EFL1: variants seen among roughly 807,000 people sequenced by gnomAD.
The protein encoded by EFL1 is elongation factor-like GTPase 1.
A neutral mutation model predicts 126.7 loss-of-function variants in EFL1; 76 were observed. That is an observed-to-expected ratio of 0.60 (90% CI 0.50 to 0.73). The LOEUF is 0.73. EFL1 is among the 30% of genes least tolerant of loss of function. The probability of loss-of-function intolerance (pLI) is 0.00; values close to 1 mark genes in which losing one functional copy is unlikely to be tolerated. For missense variants in EFL1, 1,128 were observed against 1,343.2 expected (o/e 0.84, Z 2.50); for synonymous variants, 410 against 448.4 (o/e 0.91, Z 1.08).
Position 82,194,540 on chromosome 15 carries a change from T to A in EFL1, c.1750+20177A>T, listed in dbSNP as rs376410388. On this transcript the variant is annotated intron_variant, in intron 15 of 19. Coordinates refer to ENST00000268206, the MANE Select transcript of EFL1 (RefSeq NM_024580.6). ...AATTTAAAAATGCAGAAAAGTATAG[T>A]CAAAAATGCACTTACAGAATTATTA... 5.0e-4 allele frequency among the ~76,000 whole-genome samples: 76 copies of A among 152,212 alleles called. 2 individuals carry two copies. The East Asian group carries it at 8.5e-3, about 17-fold the overall frequency.
intron 15 of EFL1, among the ~76,000 whole-genome samples, chr15:82,209,096 T>C (rs894608051): frequency 1.3e-4 from 20 of 152,196 alleles, no homozygotes; most frequent in Admixed American, 1.1e-3. Context: ...CTCATTAAAA[T>C]AGATTATCTT....
intron 14 of EFL1, among the ~76,000 whole-genome samples, chr15:82,217,373 G>GAAAAAAAAAAAAAAAAAAAAAAAAA: frequency 5.2e-4 from 14 of 27,150 alleles, no homozygotes; most frequent in Non-Finnish European, 6.9e-4. Context: ...GATTAGATTT[G>GAAAAAAAAAAAAAAAAAAAAAAAAA]AAAAAAAAAA....
chr15:82,257,823 C>T (rs1429447881), intron 3 of EFL1, among the ~76,000 whole-genome samples: 1 of 152,218 alleles, frequency 6.6e-6, no homozygotes, highest in Non-Finnish European at 1.5e-5. Flanking sequence ...CAAAAACAAA[C>T]TTCTGGCTTC....
rs1457011032 is a variant in EFL1 at position 82,152,069 on chromosome 15, C to T, written c.2385G>A (p.Lys795=). ...EGENTHMIHQ[K]TQEKIWEFKG... The stretch of plus-strand genomic sequence containing the variant: ...TGAATTCCCAAATTTTCTCTTGGGT[C>T]TTCTGATGAATCATGTGAGTATTTT... The change falls in exon 18 of 20, where the codon AAG becomes AAA. Residue 795 remains lysine, a synonymous_variant. Transcript: ENST00000268206. The T allele has an allele frequency of 4.3e-6, 7 of 1,614,124 alleles. No individual in the cohort carries two copies. The East Asian group carries it at 1.6e-4, about 36-fold the overall frequency.
At chr15:82,211,787 G>A (rs2074593765) in intron 15 of EFL1, among the ~76,000 whole-genome samples, 2 of 152,226 alleles carry the variant, frequency 1.3e-5, no homozygotes, top group South Asian at 4.1e-4. Flanking sequence ...CTATGACTTT[G>A]AGGCAGGTAA....
chr15:82,197,560 T>C (rs61094688), intron 15 of EFL1, among the ~76,000 whole-genome samples: 9,536 of 152,278 alleles, frequency 0.063, 457 homozygotes, highest in African/African-American at 0.12. Context: ...TTCTGCTTCA[T>C]TGCTCACTAA....
intron 15 of EFL1, among the ~76,000 whole-genome samples, chr15:82,172,522 T>G (rs990660078): frequency 5.3e-5 from 8 of 152,218 alleles, no homozygotes; most frequent in Non-Finnish European, 1.2e-4. Flanking sequence ...ATTACCCTCT[T>G]TGTACAGCTT....
intron 9 of EFL1, among the ~76,000 whole-genome samples, 155 bp downstream of exon 9, chr15:82,228,879 T>G (rs1276800861): frequency 2.0e-5 from 3 of 152,224 alleles, no homozygotes; most frequent in Non-Finnish European, 2.9e-5. Context: ...TAGGCTTCTT[T>G]AAATTGCTTC....
rs2073630632 is a variant in EFL1, at chr15:82,130,652, T to C, written c.3175-91A>G. ...GCTCCCCAATTTATATAGTCTTAGC[T>C]AATGAAAAAAAGTTAGGCAATGAAC... On this transcript the variant is annotated intron_variant, in intron 19 of 19. Coordinates refer to ENST00000268206, the MANE Select transcript of EFL1 (RefSeq NM_024580.6). The C allele has an allele frequency of 3.6e-6, 5 of 1,389,496 alleles. No homozygotes were observed. The Admixed American group carries it at 1.1e-4, about 31-fold the overall frequency. The allele number at this position is 1,389,496 out of a possible 1,614,324, so 86.1% of individuals were successfully genotyped here.
chr15:82,202,751 A>G (rs1329150705), intron 15 of EFL1, among the ~76,000 whole-genome samples: 1 of 152,128 alleles, frequency 6.6e-6, no homozygotes, highest in African/African-American at 2.4e-5. Context: ...ACTCAATTAT[A>G]TGGGATAAAT....
chr15:82,137,468 A>T (rs1364431013), intron 19 of EFL1, among the ~76,000 whole-genome samples: 7 of 152,100 alleles, frequency 4.6e-5, no homozygotes, highest in African/African-American at 1.4e-4. Context: ...CAGAGAACGA[A>T]CCACAAGGAA....
intron 15 of EFL1, among the ~76,000 whole-genome samples, chr15:82,198,967 T>C (rs1357103245): frequency 6.6e-6 from 1 of 152,110 alleles, no homozygotes; most frequent in African/African-American, 2.4e-5. Flanking sequence ...AGTAAATGAT[T>C]AGGATATAAA....
chr15:82,252,203 A>G (rs2075028415), intron 4 of EFL1, among the ~76,000 whole-genome samples: 1 of 152,214 alleles, frequency 6.6e-6, no homozygotes, highest in African/African-American at 2.4e-5. Flanking sequence ...CACGAATACA[A>G]ACTTTTTAGT....
intron 15 of EFL1, among the ~76,000 whole-genome samples, chr15:82,196,002 G>A (rs183003852): frequency 8.5e-5 from 13 of 152,204 alleles, no homozygotes; most frequent in Admixed American, 7.9e-4. Flanking sequence ...TCCAAGAGGC[G>A]GTGACATTTA....
At chr15:82,228,479 G>A in intron 9 of EFL1, 152 bp from the exon 10 acceptor site, 9 of 973,838 alleles carry the variant, frequency 9.2e-6, no homozygotes, top group Non-Finnish European at 1.0e-5. Flanking sequence ...CGCCACACAA[G>A]GGGCCTCCCC....
At chr15:82,145,968 G>A (rs1254584103) in intron 18 of EFL1, among the ~76,000 whole-genome samples, 15 of 149,852 alleles carry the variant, frequency 1.0e-4, no homozygotes, top group Admixed American at 8.6e-4. Flanking sequence ...AAGATTAACA[G>A]ATTAGAAGGA....
chr15:82,138,940 G>T, intron 18 of EFL1, 98 bp from the exon 19 acceptor site: 1 of 1,110,320 alleles, frequency 9.0e-7, no homozygotes, highest in Non-Finnish European at 1.2e-6. Flanking sequence ...ATCCATAAAT[G>T]ATTAAATTTG....
chr15:82,150,608 G>A (rs1360330159), intron 18 of EFL1, among the ~76,000 whole-genome samples: 1 of 152,162 alleles, frequency 6.6e-6, no homozygotes, highest in Non-Finnish European at 1.5e-5. Context: ...AAAGTCCAAA[G>A]AGCTACTAAG....
At chr15:82,156,842 G>A (rs539505168) in intron 17 of EFL1, among the ~76,000 whole-genome samples, 4 of 152,290 alleles carry the variant, frequency 2.6e-5, no homozygotes, top group African/African-American at 9.6e-5. Flanking sequence ...GCACAGAAAT[G>A]TATATTAACC....
Sources: gnomAD v4.1 joint callset for allele counts (sites outside exome capture counted in the v4.1 genomes callset) on GRCh38, gnomAD v4.1.1 for gene constraint, MANE v1.5 for transcripts, NCBI Gene and HGNC (gene_info 2026-07-23, HGNC 2026-07-21) for gene names.